The following MCC variants were observed in gnomAD, a reference collection of about 807,000 sequenced individuals.
The protein encoded by MCC is colorectal mutant cancer protein.
MCC carries 90 observed loss-of-function variants against 116.2 expected under a neutral mutation model. That is an observed-to-expected ratio of 0.77 (90% CI 0.65 to 0.92). The LOEUF (loss-of-function observed/expected upper bound fraction) is 0.92, where lower values mean the gene tolerates loss of function less well. MCC is among the 40% of genes least tolerant of loss of function. MCC has a pLI of 0.00. For synonymous variants in MCC, 578 were observed against 510.5 expected (o/e 1.13, Z -1.78); for missense variants, 1,516 against 1,312.2 (o/e 1.16, Z -2.40).
intron 3 of MCC, among the ~76,000 whole-genome samples, chr5:113,176,220 A>C (rs1761323944): frequency 6.6e-6 from 1 of 150,428 alleles, no homozygotes; most frequent in Non-Finnish European, 1.5e-5. Flanking sequence ...AAAACATGAC[A>C]TAAGAACAAG....
chr5:113,275,520 G>A (rs1215509425), intron 3 of MCC, among the ~76,000 whole-genome samples: 1 of 152,160 alleles, frequency 6.6e-6, no homozygotes, highest in African/African-American at 2.4e-5. Context: ...CTAGGCCCCA[G>A]GGATTAAGCT....
At chr5:113,279,561 C>T (rs1254607111) in intron 3 of MCC, among the ~76,000 whole-genome samples, 1 of 152,162 alleles carries the variant, frequency 6.6e-6, no homozygotes, top group Non-Finnish European at 1.5e-5. Flanking sequence ...GCATGGACTT[C>T]GTATCTTTGT....
chr5:113,071,890 C>T (rs894007062), intron 11 of MCC, among the ~76,000 whole-genome samples: 9 of 152,162 alleles, frequency 5.9e-5, no homozygotes, highest in African/African-American at 1.9e-4. Context: ...GGACGAGGAG[C>T]TATGGATTGT....
At chr5:113,279,725 T>C (rs1765963128) in intron 3 of MCC, among the ~76,000 whole-genome samples, 1 of 152,236 alleles carries the variant, frequency 6.6e-6, no homozygotes, top group Non-Finnish European at 1.5e-5. Context: ...TACGAATTTT[T>C]AGAATAATCA....
At chr5:113,084,289 A>G in intron 9 of MCC, 99 bp from the exon 10 acceptor site, 1 of 909,386 alleles carries the variant, frequency 1.1e-6, no homozygotes, top group Non-Finnish European at 1.8e-6. Context: ...AGCCATGTCA[A>G]CTAAATGATT....
Position 113,143,346 on chromosome 5 carries a change from G to T in MCC, c.756C>A (p.His252Gln), listed in dbSNP as rs145896080. ...KLAKAQCEQS[H>Q]LMREHEDVQE... ...GGACATCCTCATGCTCTCTCATGAG[G>T]TGGGACTGCTCGCACTGGGAATAAG... The change falls in exon 5 of 19, where the codon CAC becomes CAA. Residue 252 changes from histidine to glutamine, a missense_variant. By Grantham distance (24) the His-to-Gln change is conservative (BLOSUM62 0). Coordinates refer to ENST00000408903, the MANE Select transcript of MCC (RefSeq NM_001085377.2). 125 of 1,613,868 alleles carry T rather than the reference G, an allele frequency of 7.7e-5. No homozygotes were observed. In the African/African-American group the frequency reaches 1.6e-3, roughly 20 times the overall value.
chr5:113,449,523 G>A (rs555287851), intron 1 of MCC, among the ~76,000 whole-genome samples: 1 of 152,236 alleles, frequency 6.6e-6, no homozygotes, highest in Non-Finnish European at 1.5e-5. Context: ...TGCCTCAGCG[G>A]AGGCCAGGTA....
chr5:113,424,053 G>C lies in MCC; in HGVS notation c.171-38841C>G, dbSNP rs1770416657. Among the ~76,000 whole-genome samples the C allele has an allele frequency of 2.0e-5, 3 of 151,478 alleles. No homozygotes were observed. The South Asian group carries it at 6.3e-4, about 32-fold the overall frequency. On this transcript the variant is annotated intron_variant, in intron 1 of 18. Coordinates refer to ENST00000408903, the MANE Select transcript of MCC (RefSeq NM_001085377.2). ...AGAAAATATCTGTGTGTATTAGGAA[G>C]GGGAGGGAAGAATCTCTCAGTGAAA...
intron 10 of MCC, 33 bp from the exon 11 acceptor site, chr5:113,083,041 C>G: frequency 6.3e-7 from 1 of 1,590,234 alleles, no homozygotes; most frequent in Non-Finnish European, 8.6e-7. Flanking sequence ...CCCTTTGGAA[C>G]ATATCATTTC....
At chr5:113,151,257 A>T in intron 4 of MCC, 52 bp downstream of exon 4, 1 of 1,082,450 alleles carries the variant, frequency 9.2e-7, no homozygotes, top group Non-Finnish European at 1.4e-6. Context: ...TTAAGATTAA[A>T]TATTTAAAAC....
chr5:113,049,581 G>C (rs889622656), intron 15 of MCC, among the ~76,000 whole-genome samples: 16 of 152,184 alleles, frequency 1.1e-4, no homozygotes, highest in Non-Finnish European at 1.0e-4. Context: ...TTCAATATAG[G>C]GAAAACCTTT....
intron 2 of MCC, among the ~76,000 whole-genome samples, chr5:113,358,991 T>C (rs1768478675): frequency 6.6e-6 from 1 of 152,150 alleles, no homozygotes; most frequent in African/African-American, 2.4e-5. Flanking sequence ...GGTGGGAATG[T>C]ACAGATAAAT....
chr5:113,095,614 G>A (rs1204040041), intron 8 of MCC, among the ~76,000 whole-genome samples: 2 of 151,984 alleles, frequency 1.3e-5, no homozygotes, highest in Non-Finnish European at 2.9e-5. Context: ...TGATCACCTG[G>A]GCTCAAGCCA....
chr5:113,486,588 A>G (rs1561597181), intron 1 of MCC, among the ~76,000 whole-genome samples: 2 of 152,200 alleles, frequency 1.3e-5, no homozygotes, highest in Admixed American at 6.5e-5. Context: ...TCAGGCCTGT[A>G]ATCTCAGCGC....
At position 113,488,267 on chromosome 5, in the gene MCC, C is replaced by T. The variant is rs372839353; in HGVS notation, c.148G>A (p.Asp50Asn). 1.9e-6 allele frequency: 3 copies of T among 1,595,190 alleles called. No individual in the cohort carries two copies. In the Admixed American group the frequency reaches 5.1e-5, roughly 27 times the overall value. Reference protein sequence around the residue: ...MRRLFQTCDGDGDGYISRNDL... With the variant: ...MRRLFQTCDGNGDGYISRNDL... ...TACCTGCTGATGTATCCGTCCCCGTCGCCGTCGCACGTCTGGAAGAGGCGC... is the reference window on the plus strand; with the variant it reads ...TACCTGCTGATGTATCCGTCCCCGTTGCCGTCGCACGTCTGGAAGAGGCGC... The change falls in exon 1 of 19, where the codon GAC (aspartate) becomes AAC (asparagine). Residue 50 changes from aspartate to asparagine, a missense_variant. By Grantham distance (23) the Asp-to-Asn change is conservative. Transcript: ENST00000408903.
At chr5:113,316,676 A>C (rs756095750) in intron 3 of MCC, among the ~76,000 whole-genome samples, 9 of 152,278 alleles carry the variant, frequency 5.9e-5, no homozygotes, top group Non-Finnish European at 1.2e-4. Context: ...TCTCATAAAC[A>C]CAATGCGTAA....
chr5:113,032,036 C>G (rs1750987643), intron 17 of MCC, among the ~76,000 whole-genome samples: 1 of 152,214 alleles, frequency 6.6e-6, no homozygotes. Context: ...AAACTGTAAA[C>G]TTAAACCTAA....
rs1054522939 is a variant in MCC at position 113,366,597 on chromosome 5, G to A, written c.415+18371C>T. On this transcript the variant is annotated intron_variant, in intron 2 of 18. Transcript: ENST00000408903. Reference sequence around the variant, plus strand: ...TATTTGATTTCCTACCTGAGAAGACGCTGAAATTTGTCTTCTGTTCCCAGA... The same window carrying A: ...TATTTGATTTCCTACCTGAGAAGACACTGAAATTTGTCTTCTGTTCCCAGA... Among the ~76,000 whole-genome samples, 9 of 152,122 alleles carry A rather than the reference G, an allele frequency of 5.9e-5. No individual in the cohort carries two copies. The South Asian group carries it at 1.0e-3, about 18-fold the overall frequency.
At chr5:113,169,137 C>A (rs1760932329) in intron 3 of MCC, among the ~76,000 whole-genome samples, 2 of 151,938 alleles carry the variant, frequency 1.3e-5, no homozygotes, top group Non-Finnish European at 1.5e-5. Flanking sequence ...AAAGAAGGGA[C>A]ACTGATTTGC....
Sources: gnomAD v4.1 joint callset for allele counts (sites outside exome capture counted in the v4.1 genomes callset) on GRCh38, gnomAD v4.1.1 for gene constraint, MANE v1.5 for transcripts, NCBI Gene and HGNC (gene_info 2026-07-23, HGNC 2026-07-21) for gene names.